Variants in MLPH observed in about 807,000 individuals in gnomAD.
MLPH encodes melanophilin, also known as exophilin-3.
MLPH carries 51 observed loss-of-function variants against 72.1 expected under a neutral mutation model. That is an observed-to-expected ratio of 0.71 (90% CI 0.56 to 0.89). MLPH has a LOEUF of 0.89. Ranked by LOEUF, MLPH falls within the 40% of genes least tolerant of loss-of-function variation. MLPH has a pLI of 0.00. For synonymous variants in MLPH, 301 were observed against 310.1 expected (o/e 0.97, Z 0.31); for missense variants, 743 against 759.9 (o/e 0.98, Z 0.26).
In MLPH at chr2:237,518,708, G is replaced by GA. The variant is rs2080108666; in HGVS notation, c.555+60_555+61insA. 1.7e-5 allele frequency: 23 copies of GA among 1,339,588 alleles called. No individual in the cohort carries two copies. The Admixed American group carries it at 4.4e-4, about 25-fold the overall frequency. 83.0% of individuals were successfully genotyped at this position (1,339,588 alleles called of 1,614,324 possible). A position where few individuals can be genotyped will look rare whatever the true frequency, so the allele number is the denominator to read the frequency against. ...CTCGATTCCATCCCGCAGCTGGGAC[G>GA]TCAGGTTCTGATTTCCTGAAAACCT... On this transcript the variant is annotated intron_variant, in intron 5 of 15. Coordinates refer to ENST00000264605, the MANE Select transcript of MLPH (RefSeq NM_024101.7).
intron 7 of MLPH, 106 bp from the exon 8 acceptor site, chr2:237,527,271 T>C: frequency 7.1e-7 from 1 of 1,409,496 alleles, no homozygotes; most frequent in Non-Finnish European, 1.0e-6. Context: ...TGAACATCCT[T>C]ATGTCTTCAT....
chr2:237,507,806 C>A (rs183713027), intron 2 of MLPH, among the ~76,000 whole-genome samples: 7 of 152,308 alleles, frequency 4.6e-5, no homozygotes, highest in Admixed American at 3.9e-4. Context: ...GCACTTTGTT[C>A]ATTTTTGAGA....
chr2:237,504,184 G>T (rs183078680), intron 2 of MLPH, among the ~76,000 whole-genome samples: 4 of 152,258 alleles, frequency 2.6e-5, no homozygotes, highest in Non-Finnish European at 5.9e-5. Flanking sequence ...GTCAGGTAAT[G>T]CATTTGCATT....
At position 237,540,497 on chromosome 2, in the gene MLPH, C is replaced by T; in HGVS notation, c.1254C>T (p.Asp418=). Residue 418 remains aspartate (D), a synonymous_variant, in exon 10 of 16, where the codon GAC becomes GAT. Transcript: ENST00000264605. ...ACGAAAAGGCAGAGCCCAACAGGGA[C>T]AAATCAGTTGGGCCTCTCCCCCAGG... ...AKDEKAEPNR[D]KSVGPLPQAD... The T allele has an allele frequency of 1.2e-6, 2 of 1,612,734 alleles. No individual in the cohort carries two copies. The highest frequency in any genetic ancestry group is 1.7e-6 in the Non-Finnish European group (2 of 1,179,946).
intron 9 of MLPH, among the ~76,000 whole-genome samples, chr2:237,536,303 C>G (rs1044777397): frequency 6.6e-6 from 1 of 152,172 alleles, no homozygotes; most frequent in Non-Finnish European, 1.5e-5. Context: ...CCACAGCTGC[C>G]TTTATCTATA....
intron 1 of MLPH, 145 bp from the exon 2 acceptor site, chr2:237,493,258 A>G: frequency 1.6e-6 from 1 of 630,260 alleles, no homozygotes; most frequent in South Asian, 1.7e-5. Context: ...ACAAGTTTCC[A>G]GACAAGCATT....
chr2:237,500,850 C>T (rs2079631820), intron 2 of MLPH, among the ~76,000 whole-genome samples: 1 of 152,120 alleles, frequency 6.6e-6, no homozygotes, highest in Non-Finnish European at 1.5e-5. Context: ...ATGCCAGCCT[C>T]AGGTCACGCC....
intron 1 of MLPH, among the ~76,000 whole-genome samples, chr2:237,491,337 G>T (rs898925940): frequency 2.6e-5 from 4 of 152,216 alleles, no homozygotes; most frequent in African/African-American, 9.6e-5. Flanking sequence ...TTACGAGGTG[G>T]TTTTTAAACT....
At chr2:237,507,851 A>G (rs2079809151) in intron 2 of MLPH, among the ~76,000 whole-genome samples, 1 of 152,236 alleles carries the variant, frequency 6.6e-6, no homozygotes, top group African/African-American at 2.4e-5. Context: ...GAAACAGTTC[A>G]TCTCTCTGTT....
At chr2:237,551,968 AC>A (rs373300448) in intron 14 of MLPH, 45 of 204,682 alleles carry the variant, frequency 2.2e-4, no homozygotes, top group African/African-American at 1.1e-3. Context: ...ACAGAGCAAG[AC>A]TTTGTCTCAA....
At chr2:237,529,278 A>G (rs1389174436) in intron 8 of MLPH, among the ~76,000 whole-genome samples, 1 of 152,020 alleles carries the variant, frequency 6.6e-6, no homozygotes, top group Non-Finnish European at 1.5e-5. Context: ...CTTGACCTCC[A>G]GTAATCTGCC....
intron 8 of MLPH, among the ~76,000 whole-genome samples, chr2:237,531,842 C>T (rs959107304): frequency 6.6e-6 from 1 of 152,122 alleles, no homozygotes; most frequent in East Asian, 1.9e-4. Flanking sequence ...GGATCACAAC[C>T]TTGCAAAGGA....
chr2:237,505,325 T>C lies in MLPH; in HGVS notation c.111-5249T>C, dbSNP rs1474730289. ...CACATACCCACGTGCTGTGGCCTCTTCCACCAACCCCAAGCCTCTGCCAGT... is the reference window on the plus strand; with the variant it reads ...CACATACCCACGTGCTGTGGCCTCTCCCACCAACCCCAAGCCTCTGCCAGT... On this transcript the variant is annotated intron_variant, in intron 2 of 15. Transcript: ENST00000264605. This position sits in a 1 kb window ranked among gnomAD's most constrained non-coding sequence, Gnocchi z 4.5. 1.3e-5 allele frequency among the ~76,000 whole-genome samples: 2 copies of C among 152,036 alleles called. No individual in the cohort carries two copies. Among genetic ancestry groups the C allele is most frequent in the African/African-American group, 4.8e-5 (2 of 41,394 alleles).
chr2:237,516,884 GT>G (rs2080036722), intron 4 of MLPH, among the ~76,000 whole-genome samples: 1 of 149,440 alleles, frequency 6.7e-6, no homozygotes, highest in African/African-American at 2.5e-5. Context: ...TGGATGGATG[GT>G]AGGATGGATG....
At chr2:237,534,680 C>A in intron 9 of MLPH, 33 bp downstream of exon 9, 1 of 1,528,704 alleles carries the variant, frequency 6.5e-7, no homozygotes, top group Non-Finnish European at 9.1e-7. Flanking sequence ...GAGAAAGGGC[C>A]CCCACAGCTC....
intron 15 of MLPH, among the ~76,000 whole-genome samples, chr2:237,552,833 A>G (rs2081065689): frequency 6.6e-6 from 1 of 152,266 alleles, no homozygotes; most frequent in South Asian, 2.1e-4. Flanking sequence ...CCATGTGTGT[A>G]TGTGTGTGGC....
Position 237,511,009 on chromosome 2 carries a change from T to A in MLPH, c.353T>A (p.Leu118Gln), listed in dbSNP as rs767791655. The A allele has an allele frequency of 1.9e-6, 3 of 1,613,818 alleles. No individual in the cohort carries two copies. Among genetic ancestry groups the A allele is most frequent in the Non-Finnish European group, 2.5e-6 (3 of 1,179,926 alleles). Residue 118 changes from leucine (L) to glutamine (Q), a missense_variant, in exon 4 of 16, where the codon CTG (leucine) becomes CAG (glutamine). Physicochemically the swap from Leu to Gln is moderately radical, Grantham distance 113 (BLOSUM62 -2). Coordinates refer to ENST00000264605, the MANE Select transcript of MLPH (RefSeq NM_024101.7). ...HLARVVKIGS[L>Q]EWYYEHVKAR... ...TGCAGAGTCGTGAAGATCGGCTCAC[T>A]GGAGTGGTACTATGAGCATGTGAAA...
At chr2:237,532,649 G>A (rs1225475493) in intron 8 of MLPH, among the ~76,000 whole-genome samples, 2 of 152,234 alleles carry the variant, frequency 1.3e-5, no homozygotes, top group Admixed American at 6.5e-5. Context: ...GAAAGCTCAA[G>A]GGGTTCCTAC....
chr2:237,516,563 C>A (rs1473098354), intron 4 of MLPH, among the ~76,000 whole-genome samples: 1 of 152,230 alleles, frequency 6.6e-6, no homozygotes, highest in Non-Finnish European at 1.5e-5. Flanking sequence ...CTTCCTACTG[C>A]CCAATAAGCA....
Sources: gnomAD v4.1 joint callset for allele counts (sites outside exome capture counted in the v4.1 genomes callset) on GRCh38, gnomAD v4.1.1 for gene constraint, Gnocchi (gnomAD v3.1) non-coding constraint, MANE v1.5 for transcripts, NCBI Gene and HGNC (gene_info 2026-07-23, HGNC 2026-07-21) for gene names.